STPG3: variants seen among roughly 807,000 people sequenced by gnomAD.
The protein encoded by STPG3 is sperm-tail PG-rich repeat containing 3.
Under a neutral mutation model 32.5 loss-of-function variants are expected in STPG3, and 39 were observed. That is an observed-to-expected ratio of 1.20 (90% CI 0.93 to 1.57). The LOEUF (loss-of-function observed/expected upper bound fraction) is 1.57, where lower values mean the gene tolerates loss of function less well. Ranked by LOEUF, STPG3 falls within the 40% of genes most tolerant of loss-of-function variation. The pLI, the probability that STPG3 is intolerant of heterozygous loss-of-function variation, is 0.00. For missense variants in STPG3, 507 were observed against 407.6 expected (o/e 1.24, Z -2.10); for synonymous variants, 209 against 172.4 (o/e 1.21, Z -1.66).
chr9:137,251,552 C>T (rs1046760044), intron 1 of STPG3, among the ~76,000 whole-genome samples, 156 bp downstream of exon 1: 7 of 143,220 alleles, frequency 4.9e-5, no homozygotes, highest in African/African-American at 1.9e-4. Context: ...CGGCCAGGGG[C>T]TGAGGGACAG....
In STPG3 at chr9:137,253,222, A is replaced by T. The variant is rs1250452813; in HGVS notation, c.904A>T (p.Thr302Ser). 5.6e-6 allele frequency: 9 copies of T among 1,608,530 alleles called. No homozygotes were observed. Among genetic ancestry groups the T allele is most frequent in the Non-Finnish European group, 7.6e-6 (9 of 1,178,050 alleles). ...TGTACGCAGACCCAAGCGCCACGAC[A>T]CAGGCCCCTTCTGCACGCTCTAGAG... ...QGVRRPKRHD[T>S]GPFCTL Residue 302 changes from threonine (T) to serine (S), a missense_variant, in exon 6 of 6, where the codon ACA becomes TCA. Thr to Ser is a moderately conservative substitution (Grantham distance 58, BLOSUM62 1). Coordinates refer to ENST00000412566, the MANE Select transcript of STPG3 (RefSeq NM_001004353.4).
At position 137,251,762 on chromosome 9, in the gene STPG3, G is replaced by A. The variant is rs1443315468; in HGVS notation, c.135G>A (p.Leu45=). ...PTQPKASVLL[L]GPEPGMAWDE... is the part of the protein sequence containing the mutation. ...GGCCCAAGGCATCTGTGCTGTTGTT[G>A]GGCCCGGAGCCGGGGATGGCCTGGG... Residue 45 remains leucine (L), a synonymous_variant, in exon 2 of 6, where the codon TTG becomes TTA. Coordinates refer to ENST00000412566, the MANE Select transcript of STPG3 (RefSeq NM_001004353.4). 4 of 1,578,948 alleles carry A rather than the reference G, an allele frequency of 2.5e-6. No homozygotes were observed. The highest frequency in any genetic ancestry group is 2.6e-6 in the Non-Finnish European group (3 of 1,163,396).
At chr9:137,252,634 C>G (rs750117121) in intron 4 of STPG3, 28 bp from the exon 5 acceptor site, 11 of 1,458,962 alleles carry the variant, frequency 7.5e-6, no homozygotes, top group Non-Finnish European at 8.2e-6. Context: ...GCACCCTGCC[C>G]TGCAGCCCGT....
chr9:137,252,627 C>A, intron 4 of STPG3, 35 bp from the exon 5 acceptor site: 2 of 1,497,548 alleles, frequency 1.3e-6, no homozygotes, highest in South Asian at 1.2e-5. Context: ...GTGGGGAGCA[C>A]CCTGCCCTGC....
rs372134726 is a variant in STPG3 at position 137,251,460 on chromosome 9, G to T, written c.110+64G>T. 31 of 1,291,518 alleles carry T rather than the reference G, an allele frequency of 2.4e-5. No individual in the cohort carries two copies. The East Asian group carries it at 6.9e-4, about 29-fold the overall frequency. The allele number at this position is 1,291,518 out of a possible 1,614,324, so 80.0% of individuals were successfully genotyped here. ...GGAGTGGCCAGGGGGCTGAGGGACA[G>T]TGTGGGGGGCAGGTTGCTGGGCAGG... is the stretch of plus-strand genomic sequence containing the variant. On this transcript the variant is annotated intron_variant, in intron 1 of 5. Coordinates refer to ENST00000412566, the MANE Select transcript of STPG3 (RefSeq NM_001004353.4).
intron 1 of STPG3, 50 bp downstream of exon 1, chr9:137,251,446 G>A: frequency 1.4e-6 from 2 of 1,395,034 alleles, no homozygotes; most frequent in Non-Finnish European, 2.0e-6. Context: ...GAGTGGCCAG[G>A]GGGCTGAGGG....
Position 137,253,121 on chromosome 9 carries a change from C to A in STPG3, c.803C>A (p.Thr268Asn). The A allele has an allele frequency of 6.4e-7, 1 of 1,570,710 alleles. No individual in the cohort carries two copies. Among genetic ancestry groups the A allele is most frequent in the Non-Finnish European group, 8.7e-7 (1 of 1,154,670 alleles). ...CAGCCTTCTCTTTCGGCAGCCCGAA[C>A]CCCTGGCCCAGCCGCCTACCACGTG... ...AFTSWLSTSR[T>N]PGPAAYHVED... Residue 268 changes from threonine to asparagine, a missense_variant, in exon 6 of 6, where the codon ACC (threonine) becomes AAC (asparagine). By Grantham distance (65) the Thr-to-Asn change is moderately conservative. Transcript: ENST00000412566.
Position 137,253,095 on chromosome 9 carries a change from C to T in STPG3, c.797-20C>T, listed in dbSNP as rs756793880. 2 of 1,547,576 alleles carry T rather than the reference C, an allele frequency of 1.3e-6. No individual in the cohort carries two copies. The highest frequency in any genetic ancestry group is 1.4e-5 in the African/African-American group (1 of 73,314). ...TGGGGCTGCTACCTGGGTGGGGCTC[C>T]CAGCCTTCTCTTTCGGCAGCCCGAA... On this transcript the variant is annotated intron_variant, in intron 5 of 5. Coordinates refer to ENST00000412566, the MANE Select transcript of STPG3 (RefSeq NM_001004353.4).
chr9:137,253,426 C>T lies in STPG3; in HGVS notation c.*181C>T. ...TGGGCTGTGGACAAGGCTGGCCCAG[C>T]CTGGATCCCCCATCTGCCCATCTCC... is the stretch of plus-strand genomic sequence containing the variant. On this transcript the variant is annotated 3_prime_UTR_variant, in exon 6 of 6. Transcript: ENST00000412566. 4 of 1,444,436 alleles carry T rather than the reference C, an allele frequency of 2.8e-6. No individual in the cohort carries two copies. Among genetic ancestry groups the T allele is most frequent in the East Asian group, 2.5e-5 (1 of 39,862 alleles). 89.5% of individuals were successfully genotyped at this position (1,444,436 alleles called of 1,614,324 possible).
intron 2 of STPG3, 47 bp from the exon 3 acceptor site, chr9:137,251,954 G>T (rs747454041): frequency 2.5e-6 from 4 of 1,597,108 alleles, no homozygotes; most frequent in Non-Finnish European, 2.6e-6. Context: ...CTGTGGGAGG[G>T]GCCCGCTGAA....
Position 137,252,793 on chromosome 9 carries a change from G to C in STPG3, c.624G>C (p.Leu208=). ...TAGGGCTGCCTGGGGCTAGGGGGCTGGGCCTCAGGGTGCAGCCCCAGTCCC... is the reference window on the plus strand; with the variant it reads ...TAGGGCTGCCTGGGGCTAGGGGGCTCGGCCTCAGGGTGCAGCCCCAGTCCC... The part of the protein sequence containing the change: ...THLGLPGARG[L]GLRVQPQSLL... The change falls in exon 5 of 6, where the codon CTG becomes CTC. Residue 208 remains leucine (L), a synonymous_variant. Transcript: ENST00000412566. 6.4e-7 allele frequency: 1 copy of C among 1,562,954 alleles called. No individual in the cohort carries two copies. Among genetic ancestry groups the C allele is most frequent in the South Asian group, 1.2e-5 (1 of 84,982 alleles).
Position 137,253,354 on chromosome 9 carries a change from A to T in STPG3, c.*109A>T, listed in dbSNP as rs1474019878. The T allele has an allele frequency of 3.9e-6, 6 of 1,541,840 alleles. No individual in the cohort carries two copies. Among genetic ancestry groups the T allele is most frequent in the Non-Finnish European group, 5.2e-6 (6 of 1,145,314 alleles). ...CTTGGGGCCCCAGCCTGGCCTTCTGACCCTCTGGGCACCCCGATGCACCCT... is the reference window on the plus strand; with the variant it reads ...CTTGGGGCCCCAGCCTGGCCTTCTGTCCCTCTGGGCACCCCGATGCACCCT... On this transcript the variant is annotated 3_prime_UTR_variant, in exon 6 of 6. Transcript: ENST00000412566.
At chr9:137,251,662 T>C (rs1309723374) in intron 1 of STPG3, 76 bp from the exon 2 acceptor site, 5 of 1,463,722 alleles carry the variant, frequency 3.4e-6, no homozygotes, top group Admixed American at 2.1e-5. Context: ...TGAGGGACAA[T>C]AGAGGGGACA....
intron 4 of STPG3, 37 bp downstream of exon 4, chr9:137,252,562 G>C: frequency 6.8e-7 from 1 of 1,472,584 alleles, no homozygotes; most frequent in Non-Finnish European, 9.3e-7. Flanking sequence ...GGGAGTCCAC[G>C]CAGGCAGGGG....
At chr9:137,251,933 T>C (rs1837345405) in intron 2 of STPG3, 38 bp downstream of exon 2, 1 of 1,597,898 alleles carries the variant, frequency 6.3e-7, no homozygotes, top group Non-Finnish European at 8.5e-7. Context: ...CCCAAGCTGG[T>C]CTTTGGGGGG....
rs1361435905 is a variant in STPG3 at position 137,251,326 on chromosome 9, A to G, written c.40A>G (p.Asn14Asp). The G allele has an allele frequency of 1.9e-6, 3 of 1,613,800 alleles. No individual in the cohort carries two copies. The highest frequency in any genetic ancestry group is 2.2e-5 in the South Asian group (2 of 91,090). ...SDQKAVKFLANFYINGGKHWT... is the reference protein window; with the variant it reads ...SDQKAVKFLADFYINGGKHWT... ...CCAGAAGGCAGTGAAATTCCTGGCA[A>G]ATTTTTACATCAATGGAGGCAAACA... is the stretch of plus-strand genomic sequence containing the variant. The change falls in exon 1 of 6, where the codon AAT becomes GAT. Residue 14 changes from asparagine to aspartate, a missense_variant. Physicochemically the swap from Asn to Asp is conservative, Grantham distance 23 (BLOSUM62 1). Coordinates refer to ENST00000412566, the MANE Select transcript of STPG3 (RefSeq NM_001004353.4).
At chr9:137,251,931 G>T in intron 2 of STPG3, 36 bp downstream of exon 2, 1 of 1,597,876 alleles carries the variant, frequency 6.3e-7, no homozygotes, top group Non-Finnish European at 8.5e-7. Flanking sequence ...CCCCCAAGCT[G>T]GTCTTTGGGG....
chr9:137,252,557 T>G, intron 4 of STPG3, 32 bp downstream of exon 4: 1 of 629,686 alleles, frequency 1.6e-6, no homozygotes, highest in African/African-American at 3.2e-5. Context: ...GGGCGGGGAG[T>G]CCACGCAGGC....
At chr9:137,252,341 C>T (rs1350524803) in intron 3 of STPG3, 96 bp from the exon 4 acceptor site, 7 of 1,400,622 alleles carry the variant, frequency 5.0e-6, no homozygotes, top group Non-Finnish European at 6.9e-6. Flanking sequence ...GACAAGGGTT[C>T]AGGGGCCGAG....
Sources: gnomAD v4.1 joint callset for allele counts (sites outside exome capture counted in the v4.1 genomes callset) on GRCh38, gnomAD v4.1.1 for gene constraint, MANE v1.5 for transcripts, NCBI Gene and HGNC (gene_info 2026-07-23, HGNC 2026-07-21) for gene names.